The following TMX2 variants were observed in gnomAD, a reference collection of about 807,000 sequenced individuals.
TMX2 encodes thioredoxin-related transmembrane protein 2.
In TMX2, 20 loss-of-function variants were observed where a neutral mutation model predicts 33.4. The observed-to-expected ratio is 0.60, with a 90% CI of 0.42 to 0.87. The LOEUF (loss-of-function observed/expected upper bound fraction) is 0.87. TMX2 is among the 40% of genes least tolerant of loss of function. The pLI, the probability that TMX2 is intolerant of heterozygous loss-of-function variation, is 0.00. For synonymous variants in TMX2, 166 were observed against 140.7 expected (o/e 1.18, Z -1.27); for missense variants, 340 against 370.7 (o/e 0.92, Z 0.68).
chr11:57,718,326 T>G, intron 1 of TMX2: 2 of 1,556,990 alleles, frequency 1.3e-6, no homozygotes, highest in East Asian at 2.3e-5. Flanking sequence ...AGTGCCATTA[T>G]GGCGTGTGAA....
intron 1 of TMX2, among the ~76,000 whole-genome samples, chr11:57,734,748 C>T (rs1025110688): frequency 6.6e-6 from 1 of 151,204 alleles, no homozygotes; most frequent in African/African-American, 2.4e-5. Context: ...ACTCCTCCAT[C>T]TCAAAAAAAA....
chr11:57,720,784 G>A (rs1243827332), intron 1 of TMX2, among the ~76,000 whole-genome samples: 2 of 152,144 alleles, frequency 1.3e-5, no homozygotes, highest in African/African-American at 2.4e-5. Flanking sequence ...ACAAGGAATC[G>A]AACCCACGCT....
chr11:57,720,711 T>C (rs1947567623), intron 1 of TMX2, among the ~76,000 whole-genome samples: 1 of 152,264 alleles, frequency 6.6e-6, no homozygotes, highest in Non-Finnish European at 1.5e-5. Flanking sequence ...AACTAATTTT[T>C]ATAAGTGTTT....
intron 1 of TMX2, among the ~76,000 whole-genome samples, chr11:57,716,620 C>CG (rs1947084459): frequency 7.7e-6 from 1 of 129,664 alleles, no homozygotes; most frequent in Admixed American, 7.6e-5. Context: ...GGGGGCTGAC[C>CG]CCCCCACCTC....
rs538637720 is a variant in TMX2, at chr11:57,738,792, A to G, written c.548+22A>G. The G allele has an allele frequency of 1.9e-6, 3 of 1,598,038 alleles. No individual in the cohort carries two copies. In the South Asian group the frequency reaches 3.3e-5, roughly 18 times the overall value. On this transcript the variant is annotated intron_variant, in intron 5 of 7. Coordinates refer to ENST00000278422, the MANE Select transcript of TMX2 (RefSeq NM_015959.4). ...TTAAGTGAGTAGTGCAAAGGGAGGG[A>G]TGGTGGAAATGGAGATGCTGTGCCT... is the stretch of plus-strand genomic sequence containing the variant.
At chr11:57,720,808 A>G (rs1947578599) in intron 1 of TMX2, among the ~76,000 whole-genome samples, 1 of 152,168 alleles carries the variant, frequency 6.6e-6, no homozygotes, top group Non-Finnish European at 1.5e-5. Flanking sequence ...GCAGCTAACC[A>G]GTTTATTGCC....
chr11:57,718,389 T>A, intron 1 of TMX2: 1 of 1,443,070 alleles, frequency 6.9e-7, no homozygotes, highest in Middle Eastern at 1.7e-4. Flanking sequence ...CAGGAACTCT[T>A]ACAACCAAAT....
At chr11:57,737,347 C>T (rs545063197) in intron 1 of TMX2, among the ~76,000 whole-genome samples, 192 of 152,308 alleles carry the variant, frequency 1.3e-3, no homozygotes, top group African/African-American at 4.3e-3. Flanking sequence ...GAGATCGCGC[C>T]ATTGCACTCT....
intron 1 of TMX2, among the ~76,000 whole-genome samples, chr11:57,719,636 C>T (rs1303691156): frequency 6.8e-6 from 1 of 147,770 alleles, no homozygotes; most frequent in African/African-American, 2.5e-5. Context: ...TCCACCTCAG[C>T]CTTCTGAGTA....
At chr11:57,719,757 T>TA (rs1947459609) in intron 1 of TMX2, among the ~76,000 whole-genome samples, 1 of 151,602 alleles carries the variant, frequency 6.6e-6, no homozygotes, top group African/African-American at 2.4e-5. Flanking sequence ...GCTCAAGTGG[T>TA]ACATTTTCCC....
chr11:57,731,148 T>C (rs1163706264), intron 1 of TMX2, among the ~76,000 whole-genome samples: 5 of 93,762 alleles, frequency 5.3e-5, no homozygotes, highest in South Asian at 3.3e-4. Flanking sequence ...TTTTTTTTTT[T>C]TTTTTGAGAT....
intron 1 of TMX2, among the ~76,000 whole-genome samples, chr11:57,728,714 G>A (rs1018684786): frequency 6.6e-6 from 1 of 152,070 alleles, no homozygotes; most frequent in Non-Finnish European, 1.5e-5. Context: ...ATTTGTGTGA[G>A]GAACTGAACT....
intron 1 of TMX2, among the ~76,000 whole-genome samples, chr11:57,725,453 T>C (rs1223344869): frequency 6.6e-6 from 1 of 152,060 alleles, no homozygotes; most frequent in Non-Finnish European, 1.5e-5. Flanking sequence ...TAGGTCAAGA[T>C]TGGCTGGTCG....
Position 57,740,176 on chromosome 11 carries a change from C to T in TMX2, c.822C>T (p.Ile274=). The T allele has an allele frequency of 6.2e-7, 1 of 1,613,926 alleles. No individual in the cohort carries two copies. Among genetic ancestry groups the T allele is most frequent in the Non-Finnish European group, 8.5e-7 (1 of 1,179,892 alleles). ...AACTATCAAAGGCTGGAGACAATAT[C>T]CCTGAGGAGCAGCCTGTGGCTTCAA... is the stretch of plus-strand genomic sequence containing the variant. The part of the protein sequence containing the change: ...AKKLSKAGDN[I]PEEQPVASTP... Residue 274 remains isoleucine (I), a synonymous_variant, in exon 8 of 8, where the codon ATC becomes ATT. Transcript: ENST00000278422.
intron 1 of TMX2, among the ~76,000 whole-genome samples, chr11:57,734,148 C>A (rs2135600650): frequency 1.9e-5 from 2 of 107,094 alleles, no homozygotes; most frequent in Admixed American, 2.7e-4. Context: ...GACAGAGAGA[C>A]CCTGTCTCCA....
chr11:57,734,765 AT>A (rs1948636488), intron 1 of TMX2, among the ~76,000 whole-genome samples: 1 of 152,064 alleles, frequency 6.6e-6, no homozygotes, highest in South Asian at 2.1e-4. Flanking sequence ...AAAATAAAAA[AT>A]AAAAAATAAA....
intron 1 of TMX2, among the ~76,000 whole-genome samples, chr11:57,721,153 T>G (rs1477686225): frequency 6.6e-6 from 1 of 151,844 alleles, no homozygotes; most frequent in Non-Finnish European, 1.5e-5. Context: ...ATACAAAATA[T>G]TAGCCGGGTG....
rs565157555 is a variant in TMX2, at chr11:57,723,734, C to T, written c.189+10927C>T. On this transcript the variant is annotated intron_variant, in intron 1 of 7. Coordinates refer to ENST00000278422, the MANE Select transcript of TMX2 (RefSeq NM_015959.4). ...GGGAGAATTGCTTGAACCCAGCAGG[C>T]GGAGGTTGCATTGAGCTGTGATCAC... 3.3e-5 allele frequency among the ~76,000 whole-genome samples: 5 copies of T among 151,114 alleles called. No individual in the cohort carries two copies. The East Asian group carries it at 7.7e-4, about 23-fold the overall frequency.
intron 1 of TMX2, among the ~76,000 whole-genome samples, chr11:57,722,223 A>G (rs962287829): frequency 6.6e-6 from 1 of 152,144 alleles, no homozygotes; most frequent in Admixed American, 6.5e-5. Context: ...GCTGGTCTCG[A>G]ACTCCTGAGC....
Sources: allele counts gnomAD v4.1 joint callset (sites outside exome capture counted in the v4.1 genomes callset), GRCh38; gene constraint gnomAD v4.1.1; transcripts MANE v1.5; gene names NCBI Gene and HGNC (gene_info 2026-07-23, HGNC 2026-07-21).